Variants in DRC11L observed in about 807,000 individuals in gnomAD.
The protein encoded by DRC11L is dynein regulatory complex subunit 11 like, also known as dynein regulatory complex subunit like-11.
At chr7:151,192,089 GAGGACAT>G in the DRC11L span, among the ~76,000 whole-genome samples, 1 of 152,196 alleles carries the variant, frequency 6.6e-6, no homozygotes, top group African/African-American at 2.4e-5. Context: ...TAGAGCCTCG[GAGGACAT>G]AGACCACCTG....
the DRC11L span, chr7:151,200,591 C>G: frequency 5.0e-6 from 2 of 397,012 alleles, no homozygotes; most frequent in Non-Finnish European, 8.9e-6. Flanking sequence ...CCTGGGCAAG[C>G]CTGCTCAGGT....
chr7:151,191,668 T>A, the DRC11L span: 1 of 399,266 alleles, frequency 2.5e-6, no homozygotes, highest in Non-Finnish European at 4.4e-6. Context: ...CCCTGTACAC[T>A]GGATCCAGCT....
chr7:151,192,397 G>A, the DRC11L span: 5 of 399,218 alleles, frequency 1.3e-5, no homozygotes, highest in Admixed American at 4.4e-5. Flanking sequence ...CACGGTCTCC[G>A]GGAGTCAGCA....
the DRC11L span, chr7:151,192,754 C>G: frequency 2.5e-6 from 1 of 399,218 alleles, no homozygotes; most frequent in East Asian, 3.6e-5. Context: ...TCCTTGTCTT[C>G]TTTGGGGGTC....
At chr7:151,197,241 C>G in the DRC11L span, 1 of 399,596 alleles carries the variant, frequency 2.5e-6, no homozygotes, top group Non-Finnish European at 4.4e-6. Flanking sequence ...CTTTCTTCTT[C>G]TCTTTTTCAT....
chr7:151,195,042 C>T, the DRC11L span, among the ~76,000 whole-genome samples: 17 of 152,152 alleles, frequency 1.1e-4, no homozygotes, highest in African/African-American at 3.9e-4. Flanking sequence ...CCAGACAAGT[C>T]AGCAGGAAGG....
At chr7:151,205,405 G>C in the DRC11L span, 2 of 399,302 alleles carry the variant, frequency 5.0e-6, no homozygotes, top group Non-Finnish European at 8.8e-6. Flanking sequence ...GCCCTTTGCT[G>C]TCTCTGCCCT....
the DRC11L span, chr7:151,192,312 G>A: frequency 5.5e-5 from 22 of 399,012 alleles, no homozygotes; most frequent in Middle Eastern, 6.2e-4. Flanking sequence ...GGCATGAAGA[G>A]GATCCGCTCG....
the DRC11L span, among the ~76,000 whole-genome samples, chr7:151,203,681 C>G: frequency 2.0e-5 from 3 of 152,180 alleles, no homozygotes; most frequent in Non-Finnish European, 4.4e-5. Flanking sequence ...AAGAGCCACT[C>G]CTCTCTTCCT....
the DRC11L span, among the ~76,000 whole-genome samples, chr7:151,202,468 C>T: frequency 1.3e-5 from 2 of 152,202 alleles, no homozygotes; most frequent in Admixed American, 1.3e-4. Flanking sequence ...TATCCTACTA[C>T]AAACCCTTTT....
At chr7:151,204,307 C>A in the DRC11L span, among the ~76,000 whole-genome samples, 1 of 152,204 alleles carries the variant, frequency 6.6e-6, no homozygotes, top group Non-Finnish European at 1.5e-5. Flanking sequence ...TGCCCTCCTT[C>A]CTTTCCTAGC....
At chr7:151,205,185 G>A in the DRC11L span, among the ~76,000 whole-genome samples, 1 of 152,156 alleles carries the variant, frequency 6.6e-6, no homozygotes, top group Non-Finnish European at 1.5e-5. Context: ...GCCCACGGAT[G>A]CTGCAGTGAT....
chr7:151,195,550 G>GCCCAGC, the DRC11L span: 1 of 400,070 alleles, frequency 2.5e-6, no homozygotes, highest in Non-Finnish European at 4.4e-6. Context: ...GCCCTCCCCT[G>GCCCAGC]CCCAGCCCCA....
At chr7:151,199,135 T>TCA in the DRC11L span, 1 of 397,792 alleles carries the variant, frequency 2.5e-6, no homozygotes, top group Non-Finnish European at 4.4e-6. This position sits in a 1 kb window ranked among gnomAD's most constrained non-coding sequence, Gnocchi z 5.2. Context: ...ACACAAGGCC[T>TCA]CACACACACA....
the DRC11L span, chr7:151,196,845 G>A: frequency 5.0e-6 from 2 of 398,312 alleles, no homozygotes; most frequent in South Asian, 2.7e-4. Context: ...TCCTCATTTG[G>A]TGTTGTCCCC....
At chr7:151,195,259 C>T in the DRC11L span, among the ~76,000 whole-genome samples, 45 of 152,220 alleles carry the variant, frequency 3.0e-4, no homozygotes, top group Admixed American at 5.2e-4. Flanking sequence ...ACGGCTATCA[C>T]CTGAGTTTGG....
the DRC11L span, chr7:151,195,535 T>C: frequency 1.9e-4 from 76 of 399,904 alleles, no homozygotes; most frequent in Non-Finnish European, 3.1e-4. Flanking sequence ...CTTGCCTCCC[T>C]GTGTGCCCTC....
At chr7:151,201,688 C>T in the DRC11L span, among the ~76,000 whole-genome samples, 1 of 152,052 alleles carries the variant, frequency 6.6e-6, no homozygotes, top group African/African-American at 2.4e-5. This position sits in a 1 kb window ranked among gnomAD's most constrained non-coding sequence, Gnocchi z 4.1. Context: ...GGTATTGGGA[C>T]TTGAGAGAGA....
At chr7:151,202,064 C>T in the DRC11L span, among the ~76,000 whole-genome samples, 5 of 152,204 alleles carry the variant, frequency 3.3e-5, no homozygotes, top group South Asian at 4.2e-4. Flanking sequence ...TAAGAATGCT[C>T]GGGGAACCTT....
Sources: gnomAD v4.1 joint callset for allele counts (sites outside exome capture counted in the v4.1 genomes callset) on GRCh38, gnomAD v4.1.1 for gene constraint, Gnocchi (gnomAD v3.1) non-coding constraint, MANE v1.5 for transcripts, NCBI Gene and HGNC (gene_info 2026-07-23, HGNC 2026-07-21) for gene names.